The following EXD1 variants were observed in gnomAD, a reference collection of about 807,000 sequenced individuals.
EXD1 encodes the protein exonuclease 3'-5' domain containing 1.
EXD1 carries 63 observed loss-of-function variants against 49.1 expected under a neutral mutation model. The observed-to-expected ratio is 1.28, with a 90% CI of 1.05 to 1.58. EXD1 has a LOEUF of 1.58. EXD1 is among the 40% of genes most tolerant of loss of function. The pLI, the probability that EXD1 is intolerant of heterozygous loss-of-function variation, is 0.00. For synonymous variants in EXD1, 234 were observed against 239.2 expected (o/e 0.98, Z 0.20); for missense variants, 748 against 666.0 (o/e 1.12, Z -1.36).
At chr15:41,207,809 G>T (rs564253298) in intron 7 of EXD1, among the ~76,000 whole-genome samples, 1 of 151,888 alleles carries the variant, frequency 6.6e-6, no homozygotes, top group African/African-American at 2.4e-5. Context: ...CCAGGAATTC[G>T]AGACAAGCCT....
At chr15:41,192,262 C>G (rs926110091) in intron 9 of EXD1, 1 of 152,556 alleles carries the variant, frequency 6.6e-6, no homozygotes, top group Non-Finnish European at 1.5e-5. Context: ...CCATCACACC[C>G]AGCAACCCAA....
intron 5 of EXD1, among the ~76,000 whole-genome samples, chr15:41,216,100 C>G (rs2046995495): frequency 6.6e-6 from 1 of 152,040 alleles, no homozygotes; most frequent in African/African-American, 2.4e-5. Flanking sequence ...TTCAGAATCC[C>G]CAATGAATAA....
In EXD1 at chr15:41,215,155, C is replaced by T. The variant is rs2046981089; in HGVS notation, c.447+620G>A. Among the ~76,000 whole-genome samples the T allele has an allele frequency of 3.3e-5, 5 of 152,300 alleles. No homozygotes were observed. In the South Asian group the frequency reaches 8.3e-4, roughly 25 times the overall value. ...CTGTCTATCCCACATAAAATAGGAC[C>T]TCCTTGTCACTCTAGTCCCCATACC... On this transcript the variant is annotated intron_variant, in intron 6 of 11. Transcript: ENST00000458580.
rs2046366752 is a variant in EXD1, at chr15:41,184,168, C to T, written c.1482G>A (p.Glu494=). 1.9e-6 allele frequency: 3 copies of T among 1,614,054 alleles called. No individual in the cohort carries two copies. The highest frequency in any genetic ancestry group is 2.7e-5 in the African/African-American group (2 of 74,926). ...QKEHFMTPKH[E]FQASLSLKEE... is the part of the protein sequence containing the mutation. Reference sequence around the variant, plus strand: ...CTTTCAAAGATAAACTTGCCTGAAACTCATGTTTGGGTGTCATAAAGTGTT... The same window carrying T: ...CTTTCAAAGATAAACTTGCCTGAAATTCATGTTTGGGTGTCATAAAGTGTT... Residue 494 remains glutamate, a synonymous_variant, in exon 12 of 12, where the codon GAG becomes GAA. Coordinates refer to ENST00000458580, the MANE Select transcript of EXD1 (RefSeq NM_001286441.2).
intron 2 of EXD1, among the ~76,000 whole-genome samples, chr15:41,224,161 C>G (rs8034262): frequency 6.6e-6 from 1 of 152,176 alleles, no homozygotes; most frequent in South Asian, 2.1e-4. Context: ...TGGTTTCAAA[C>G]TCCTGACCTC....
intron 11 of EXD1, among the ~76,000 whole-genome samples, chr15:41,188,950 G>A (rs2046459885): frequency 6.6e-6 from 1 of 151,348 alleles, no homozygotes; most frequent in Non-Finnish European, 1.5e-5. Context: ...TTACAGGCAT[G>A]TGCCACCACG....
At chr15:41,203,015 T>C (rs1177483337) in intron 7 of EXD1, among the ~76,000 whole-genome samples, 1 of 151,966 alleles carries the variant, frequency 6.6e-6, no homozygotes, top group African/African-American at 2.4e-5. Context: ...AAAATAATTA[T>C]CTGCTGTACT....
At chr15:41,208,936 G>A (rs528160240) in intron 7 of EXD1, among the ~76,000 whole-genome samples, 50 of 151,840 alleles carry the variant, frequency 3.3e-4, no homozygotes, top group East Asian at 1.9e-4. Context: ...AGCAGAGCCC[G>A]AGAGACAGCA....
intron 1 of EXD1, among the ~76,000 whole-genome samples, chr15:41,229,957 T>G (rs983204785): frequency 6.6e-6 from 1 of 152,046 alleles, no homozygotes; most frequent in African/African-American, 2.4e-5. Context: ...CTAACAGCAG[T>G]CAGAATTCGG....
chr15:41,196,683 G>A (rs939131452), intron 7 of EXD1, among the ~76,000 whole-genome samples: 3 of 150,490 alleles, frequency 2.0e-5, no homozygotes, highest in Non-Finnish European at 3.0e-5. Flanking sequence ...TACACACCTC[G>A]GCCTCCCAAA....
chr15:41,211,059 T>C (rs774893051), intron 6 of EXD1, among the ~76,000 whole-genome samples: 2 of 152,132 alleles, frequency 1.3e-5, no homozygotes, highest in Non-Finnish European at 2.9e-5. Flanking sequence ...AAAGCTTCTT[T>C]TTTTGTTTTT....
At chr15:41,203,944 A>AAAAAAAAAC (rs2046776904) in intron 7 of EXD1, among the ~76,000 whole-genome samples, 4 of 139,848 alleles carry the variant, frequency 2.9e-5, no homozygotes, top group African/African-American at 1.1e-4. Flanking sequence ...AAAAAAAAAA[A>AAAAAAAAAC]CCCTAAAAAT....
intron 7 of EXD1, among the ~76,000 whole-genome samples, chr15:41,208,205 A>T (rs1165286041): frequency 1.3e-5 from 2 of 151,580 alleles, no homozygotes; most frequent in Non-Finnish European, 2.9e-5. Context: ...AGTAATTTGT[A>T]TTTGTGCTGC....
intron 10 of EXD1, among the ~76,000 whole-genome samples, chr15:41,190,602 T>C (rs513280): frequency 0.75 from 114,678 of 152,172 alleles, 43,400 homozygotes; most frequent in East Asian, 0.99. Context: ...AGCATACACA[T>C]GCTTGCACAC....
chr15:41,187,434 A>T (rs2046429553), intron 11 of EXD1, among the ~76,000 whole-genome samples: 1 of 152,132 alleles, frequency 6.6e-6, no homozygotes, highest in Non-Finnish European at 1.5e-5. Flanking sequence ...CACATAAGGG[A>T]CTTGAGCATT....
At chr15:41,210,637 C>T (rs1408231524) in intron 6 of EXD1, among the ~76,000 whole-genome samples, 2 of 151,534 alleles carry the variant, frequency 1.3e-5, no homozygotes, top group Non-Finnish European at 2.9e-5. Flanking sequence ...CTGCAGTGAG[C>T]CATGATGATG....
At chr15:41,196,236 T>C (rs553191632) in intron 7 of EXD1, among the ~76,000 whole-genome samples, 199 bp from the exon 8 acceptor site, 43 of 151,852 alleles carry the variant, frequency 2.8e-4, no homozygotes, top group Middle Eastern at 6.9e-3. Flanking sequence ...AACCTCTGCC[T>C]CCTGAGTTCA....
At chr15:41,219,982 A>C in intron 2 of EXD1, 84 bp from the exon 3 acceptor site, 2 of 1,049,042 alleles carry the variant, frequency 1.9e-6, no homozygotes, top group Non-Finnish European at 2.7e-6. Flanking sequence ...AAATTTCCCA[A>C]GTCTGAGTTG....
intron 2 of EXD1, among the ~76,000 whole-genome samples, chr15:41,224,513 T>C (rs765084836): frequency 2.7e-4 from 41 of 152,078 alleles, no homozygotes; most frequent in Admixed American, 1.3e-4. Flanking sequence ...AGCTTCCAGA[T>C]TGGCAGATAT....
Sources: allele counts gnomAD v4.1 joint callset (sites outside exome capture counted in the v4.1 genomes callset), GRCh38; gene constraint gnomAD v4.1.1; transcripts MANE v1.5; gene names NCBI Gene and HGNC (gene_info 2026-07-23, HGNC 2026-07-21).